The following CNTN3 variants were observed in gnomAD, a reference collection of about 807,000 sequenced individuals.
CNTN3 encodes contactin-3.
Under a neutral mutation model 119.1 loss-of-function variants are expected in CNTN3, and 60 were observed. That is an observed-to-expected ratio of 0.50 (90% CI 0.41 to 0.62). The LOEUF (loss-of-function observed/expected upper bound fraction) is 0.62, where lower values mean the gene tolerates loss of function less well. CNTN3 is among the 20% of genes least tolerant of loss of function. The pLI, the probability that CNTN3 is intolerant of heterozygous loss-of-function variation, is 0.00. For synonymous variants in CNTN3, 450 were observed against 438.7 expected, an observed-to-expected ratio of 1.03 and a Z score of -0.32; for missense variants, 1,101 against 1,242.4, an observed-to-expected ratio of 0.89 and a Z score of 1.71.
intron 4 of CNTN3, among the ~76,000 whole-genome samples, chr3:74,447,343 A>G (rs1449367475): frequency 6.6e-6 from 1 of 151,988 alleles, no homozygotes; most frequent in Non-Finnish European, 1.5e-5. Context: ...TTCTCTTCCC[A>G]CTCTCCAATT....
intron 13 of CNTN3, among the ~76,000 whole-genome samples, chr3:74,319,815 TA>T (rs1702938114): frequency 7.9e-6 from 1 of 126,568 alleles, no homozygotes. Flanking sequence ...CAAACAAATT[TA>T]CAAAAAAAAA....
intron 1 of CNTN3, among the ~76,000 whole-genome samples, chr3:74,601,256 G>A (rs901386411): frequency 1.3e-5 from 2 of 151,962 alleles, no homozygotes; most frequent in Non-Finnish European, 2.9e-5. Flanking sequence ...TGAAGAAACT[G>A]AGACTTAGAG....
chr3:74,393,709 G>A (rs1341155624), intron 5 of CNTN3, among the ~76,000 whole-genome samples: 1 of 152,214 alleles, frequency 6.6e-6, no homozygotes, highest in African/African-American at 2.4e-5. Context: ...AAGTAGGACT[G>A]AGGTCAGAGA....
chr3:74,363,356 T>C (rs886754480), intron 10 of CNTN3, among the ~76,000 whole-genome samples: 34 of 152,268 alleles, frequency 2.2e-4, no homozygotes, highest in Middle Eastern at 3.4e-3. Context: ...AATTATCTTT[T>C]GTGAGAAGCT....
At chr3:74,286,848 A>G (rs9838066) in intron 19 of CNTN3, among the ~76,000 whole-genome samples, 94,089 of 152,030 alleles carry the variant, frequency 0.62, 30,155 homozygotes, top group African/African-American at 0.78. Flanking sequence ...AGCAGTCGTG[A>G]GTGACTATGC....
chr3:74,457,454 A>G (rs1349633733), intron 4 of CNTN3, among the ~76,000 whole-genome samples: 1 of 152,062 alleles, frequency 6.6e-6, no homozygotes, highest in Middle Eastern at 3.2e-3. Context: ...TCTCATCTGT[A>G]GAATAGATAT....
chr3:74,290,228 TG>T (rs1702197713), intron 19 of CNTN3, among the ~76,000 whole-genome samples: 1 of 152,354 alleles, frequency 6.6e-6, no homozygotes, highest in Middle Eastern at 3.4e-3. Flanking sequence ...CTATGTTAGA[TG>T]GTGTAGCGTA....
intron 1 of CNTN3, among the ~76,000 whole-genome samples, chr3:74,588,367 A>G (rs1704635893): frequency 1.3e-5 from 2 of 152,172 alleles, no homozygotes; most frequent in African/African-American, 4.8e-5. Context: ...TGCTTCAAAG[A>G]GAATAAAATA....
intron 4 of CNTN3, among the ~76,000 whole-genome samples, chr3:74,436,549 C>T (rs539075936): frequency 4.6e-5 from 7 of 152,056 alleles, no homozygotes; most frequent in East Asian, 1.9e-4. Flanking sequence ...AAACTAATTA[C>T]GCTAGTAACA....
chr3:74,306,886 T>C (rs1187348489), intron 13 of CNTN3, among the ~76,000 whole-genome samples: 3 of 152,196 alleles, frequency 2.0e-5, no homozygotes, highest in African/African-American at 7.2e-5. Context: ...GAAACAGTCC[T>C]TATGTTCATA....
At chr3:74,488,728 A>G (rs998579967) in intron 3 of CNTN3, among the ~76,000 whole-genome samples, 2 of 152,214 alleles carry the variant, frequency 1.3e-5, no homozygotes, top group Non-Finnish European at 2.9e-5. Flanking sequence ...CAGGTCTTAA[A>G]GCAACATTTT....
chr3:74,320,398 C>T (rs1478971491), intron 13 of CNTN3, among the ~76,000 whole-genome samples: 1 of 152,062 alleles, frequency 6.6e-6, no homozygotes. Flanking sequence ...AACCATCACT[C>T]TCAGCAAACT....
chr3:74,412,141 G>A (rs527526693), intron 5 of CNTN3, among the ~76,000 whole-genome samples: 2 of 152,254 alleles, frequency 1.3e-5, no homozygotes, highest in Non-Finnish European at 2.9e-5. Flanking sequence ...GCTGACATCT[G>A]TCAACTGATC....
At chr3:74,397,894 T>A (rs78424817) in intron 5 of CNTN3, among the ~76,000 whole-genome samples, 3,955 of 152,248 alleles carry the variant, frequency 0.026, 180 homozygotes, top group African/African-American at 0.09. Context: ...AGGAAGTAAC[T>A]GAGATGTGGT....
chr3:74,566,691 G>T (rs1280969105), intron 1 of CNTN3, among the ~76,000 whole-genome samples: 1 of 152,080 alleles, frequency 6.6e-6, no homozygotes, highest in African/African-American at 2.4e-5. Flanking sequence ...TCTTTACTTG[G>T]TTACATCTGC....
chr3:74,593,280 A>C (rs899663053), intron 1 of CNTN3, among the ~76,000 whole-genome samples: 7 of 151,928 alleles, frequency 4.6e-5, no homozygotes, highest in African/African-American at 7.2e-5. Context: ...ATCTCTCTCT[A>C]AAATTTCAAG....
chr3:74,334,650 T>C (rs1703344273), intron 13 of CNTN3, 85 bp downstream of exon 13: 3 of 1,190,094 alleles, frequency 2.5e-6, no homozygotes, highest in East Asian at 2.4e-5. Flanking sequence ...TTCTAGAGCA[T>C]TGTCTATATG....
At chr3:74,478,014 C>T (rs7429855) in intron 4 of CNTN3, among the ~76,000 whole-genome samples, 109,299 of 151,988 alleles carry the variant, frequency 0.72, 39,673 homozygotes, top group Non-Finnish European at 0.77. Flanking sequence ...TCTCTTAGTC[C>T]TGAAATATTC....
At chr3:74,364,101 C>T (rs952630062) in intron 10 of CNTN3, among the ~76,000 whole-genome samples, 3 of 151,994 alleles carry the variant, frequency 2.0e-5, no homozygotes, top group Non-Finnish European at 4.4e-5. Context: ...GAATCAAATA[C>T]GATTGATTCA....
Sources: gnomAD v4.1 joint callset for allele counts (sites outside exome capture counted in the v4.1 genomes callset) on GRCh38, gnomAD v4.1.1 for gene constraint, MANE v1.5 for transcripts, NCBI Gene and HGNC (gene_info 2026-07-23, HGNC 2026-07-21) for gene names.